WDFY3: variants seen among roughly 807,000 people sequenced by gnomAD.
The protein encoded by WDFY3 is WD repeat and FYVE domain containing 3.
WDFY3 carries 66 observed loss-of-function variants against 409.6 expected under a neutral mutation model. The observed-to-expected ratio is 0.16, with a 90% CI of 0.13 to 0.20. The LOEUF (loss-of-function observed/expected upper bound fraction) is 0.20. Ranked by LOEUF, WDFY3 falls within the 10% of genes least tolerant of loss-of-function variation. The pLI is 1.00. For missense variants in WDFY3, 3,031 were observed against 4,298.1 expected (o/e 0.71, Z 8.24); for synonymous variants, 1,521 against 1,537.1 (o/e 0.99, Z 0.25).
chr4:84,903,381 G>A (rs1294068937), intron 2 of WDFY3, among the ~76,000 whole-genome samples: 2 of 152,106 alleles, frequency 1.3e-5, no homozygotes, highest in African/African-American at 4.8e-5. Flanking sequence ...ATGCAGTAGC[G>A]CAATCTCAGC....
intron 4 of WDFY3, 79 bp downstream of exon 4, chr4:84,860,333 C>T: frequency 1.4e-6 from 2 of 1,463,526 alleles, no homozygotes; most frequent in Admixed American, 2.2e-5. Flanking sequence ...TTTTTTCTAC[C>T]TATGGCTTAC....
chr4:84,897,163 C>T (rs746191066), intron 2 of WDFY3, among the ~76,000 whole-genome samples, 153 bp from the exon 3 acceptor site: 2 of 152,090 alleles, frequency 1.3e-5, no homozygotes, highest in Non-Finnish European at 2.9e-5. Flanking sequence ...TTAAAAAATG[C>T]TCTGATGCCC....
intron 1 of WDFY3, among the ~76,000 whole-genome samples, chr4:84,939,925 G>A (rs1008037432): frequency 6.6e-6 from 1 of 152,018 alleles, no homozygotes; most frequent in East Asian, 1.9e-4. Context: ...GACAGAGCTA[G>A]GAAATGTATG....
At chr4:84,764,301 G>A (rs561865423) in intron 32 of WDFY3, among the ~76,000 whole-genome samples, 271 of 152,216 alleles carry the variant, frequency 1.8e-3, no homozygotes, top group Admixed American at 7.0e-3. Flanking sequence ...GCCAATAAAC[G>A]AAACTTCTTA....
intron 1 of WDFY3, among the ~76,000 whole-genome samples, chr4:84,956,979 T>C (rs776121403): frequency 6.7e-6 from 1 of 148,590 alleles, no homozygotes; most frequent in Non-Finnish European, 1.5e-5. Context: ...AATGGTTTTC[T>C]TAAAAAAAAA....
intron 4 of WDFY3, 86 bp downstream of exon 4, chr4:84,860,326 T>G: frequency 7.1e-7 from 1 of 1,412,718 alleles, no homozygotes; most frequent in South Asian, 1.6e-5. Flanking sequence ...CTATCATTTT[T>G]TTCTACCTAT....
In WDFY3 at chr4:84,759,830, C is replaced by T. The variant is rs879530133; in HGVS notation, c.5189-2669G>A. On this transcript the variant is annotated intron_variant, in intron 32 of 67. Coordinates refer to ENST00000295888, the MANE Select transcript of WDFY3 (RefSeq NM_014991.6). ...TGCCTAATTGCCCTGGCCAGAACTT[C>T]CAACACTATGTTGAATAGGAGTGGT... Among the ~76,000 whole-genome samples the T allele has an allele frequency of 2.4e-3, 368 of 151,446 alleles. 2 individuals are homozygous for T. Among genetic ancestry groups the T allele is most frequent in the Non-Finnish European group, 4.7e-3 (317 of 67,870 alleles).
At chr4:84,919,404 G>A (rs573154388) in intron 2 of WDFY3, among the ~76,000 whole-genome samples, 6 of 152,254 alleles carry the variant, frequency 3.9e-5, no homozygotes, top group Admixed American at 2.6e-4. Context: ...GGGATGAAAT[G>A]TTATGAGGAG....
chr4:84,793,302 A>C (rs1241980890), intron 21 of WDFY3, among the ~76,000 whole-genome samples: 1 of 152,214 alleles, frequency 6.6e-6, no homozygotes, highest in Non-Finnish European at 1.5e-5. Context: ...AGCCTCCTAA[A>C]GGAGATGTAG....
chr4:84,721,115 T>G (rs895887608), intron 47 of WDFY3, among the ~76,000 whole-genome samples: 8 of 152,236 alleles, frequency 5.3e-5, no homozygotes, highest in African/African-American at 1.9e-4. Context: ...ATAGGCTGTC[T>G]ACATGGATTT....
intron 14 of WDFY3, 27 bp from the exon 15 acceptor site, chr4:84,808,444 G>A: frequency 2.5e-6 from 4 of 1,604,274 alleles, no homozygotes; most frequent in Admixed American, 1.7e-5. Context: ...AGACAGGGTG[G>A]TTTAGAGAGG....
chr4:84,959,106 G>T (rs779003697), intron 1 of WDFY3, among the ~76,000 whole-genome samples: 1 of 152,032 alleles, frequency 6.6e-6, no homozygotes, highest in Non-Finnish European at 1.5e-5. Context: ...CTGATATAGC[G>T]CTATCACCCA....
chr4:84,682,254 G>T, intron 64 of WDFY3, 120 bp downstream of exon 64: 1 of 809,688 alleles, frequency 1.2e-6, no homozygotes, highest in Non-Finnish European at 2.0e-6. Flanking sequence ...CAGCAACCAT[G>T]CTTCTCCAAG....
rs546840904 is a variant in WDFY3 at position 84,780,076 on chromosome 4, T to G, written c.4365+32A>C. The G allele has an allele frequency of 1.5e-5, 23 of 1,524,814 alleles. No individual in the cohort carries two copies. The South Asian group carries it at 2.8e-4, about 19-fold the overall frequency. 94.5% of individuals were successfully genotyped at this position (1,524,814 alleles called of 1,614,324 possible). ...AAAGCAGAGTATTTTAGGTGCCAGG[T>G]GAAGTGAAGGCAAAGTTTTACAGTT... On this transcript the variant is annotated intron_variant, in intron 26 of 67. Transcript: ENST00000295888.
chr4:84,718,287 G>T, intron 48 of WDFY3, 135 bp downstream of exon 48: 2 of 803,888 alleles, frequency 2.5e-6, no homozygotes, highest in South Asian at 2.7e-5. Flanking sequence ...TTGTGAATAT[G>T]TAATGATGAA....
chr4:84,749,416 T>C (rs1740096234), intron 36 of WDFY3, among the ~76,000 whole-genome samples: 1 of 152,172 alleles, frequency 6.6e-6, no homozygotes. Flanking sequence ...ATCTTCCTGT[T>C]TGGGAATTTC....
intron 9 of WDFY3, among the ~76,000 whole-genome samples, chr4:84,827,484 A>C (rs1755025869): frequency 6.6e-6 from 1 of 152,164 alleles, no homozygotes; most frequent in Admixed American, 6.5e-5. Context: ...GGGGCCATGC[A>C]GAGCCAACCA....
rs1735330797 is a variant in WDFY3, at chr4:84,724,433, T to C, written c.7434A>G (p.Lys2478=). 1.9e-6 allele frequency: 3 copies of C among 1,605,382 alleles called. No homozygotes were observed. Among genetic ancestry groups the C allele is most frequent in the Non-Finnish European group, 2.5e-6 (3 of 1,176,510 alleles). The change falls in exon 46 of 68, where the codon AAA becomes AAG. Residue 2478 remains lysine (K), a synonymous_variant. Coordinates refer to ENST00000295888, the MANE Select transcript of WDFY3 (RefSeq NM_014991.6). ...TCAAAAAGGCAGGCTGACCTTTGAC[T>C]TTAGCAATAGTGTCTTCCCCATGCT... The part of the protein sequence containing the change: ...EPEHGEDTIA[K]VKGLVKPPLK...
chr4:84,675,732 G>GA (rs1726164379), intron 67 of WDFY3, among the ~76,000 whole-genome samples: 1 of 152,116 alleles, frequency 6.6e-6, no homozygotes, highest in African/African-American at 2.4e-5. Flanking sequence ...AAGCATCTCT[G>GA]GAGTAAGGCA....
Sources: gnomAD v4.1 joint callset for allele counts (sites outside exome capture counted in the v4.1 genomes callset) on GRCh38, gnomAD v4.1.1 for gene constraint, MANE v1.5 for transcripts, NCBI Gene and HGNC (gene_info 2026-07-23, HGNC 2026-07-21) for gene names.